ITSN1: variants seen among roughly 807,000 people sequenced by gnomAD.
ITSN1 encodes the protein intersectin 1, also known as intersectin-1.
In ITSN1, 58 loss-of-function variants were observed where a neutral mutation model predicts 239.8. That is an observed-to-expected ratio of 0.24 (90% CI 0.20 to 0.30). The LOEUF is 0.30. ITSN1 is among the 10% of genes least tolerant of loss of function. ITSN1 has a pLI of 1.00. For missense variants in ITSN1, 1,558 were observed against 2,103.3 expected (o/e 0.74, Z 5.07); for synonymous variants, 780 against 770.8 (o/e 1.01, Z -0.20).
chr21:33,671,534 G>A (rs1269210530), intron 1 of ITSN1, among the ~76,000 whole-genome samples: 1 of 152,062 alleles, frequency 6.6e-6, no homozygotes, highest in African/African-American at 2.4e-5. Context: ...TGGGATTACA[G>A]GTGTGAGCCG....
chr21:33,773,710 C>T (rs1054147519), intron 12 of ITSN1, among the ~76,000 whole-genome samples: 40 of 151,682 alleles, frequency 2.6e-4, no homozygotes, highest in African/African-American at 9.7e-4. Flanking sequence ...GACAGACTCT[C>T]GCTCTGTTGC....
chr21:33,824,380 G>C (rs1427316035), intron 25 of ITSN1, among the ~76,000 whole-genome samples: 1 of 152,024 alleles, frequency 6.6e-6, no homozygotes, highest in African/African-American at 2.4e-5. Context: ...GAGTTTCAGG[G>C]TATAAATGGA....
chr21:33,806,436 T>G (rs1372481423), intron 20 of ITSN1, among the ~76,000 whole-genome samples: 1 of 152,190 alleles, frequency 6.6e-6, no homozygotes, highest in Non-Finnish European at 1.5e-5. Flanking sequence ...TGTGACAAGG[T>G]CAGAGATTTT....
chr21:33,769,265 G>A (rs990244664), intron 11 of ITSN1, among the ~76,000 whole-genome samples: 6 of 152,140 alleles, frequency 3.9e-5, no homozygotes, highest in African/African-American at 1.4e-4. Flanking sequence ...TTTTGAACAG[G>A]AAGCAACATT....
chr21:33,871,898 C>G (rs2148519847), intron 33 of ITSN1, among the ~76,000 whole-genome samples: 1 of 152,252 alleles, frequency 6.6e-6, no homozygotes, highest in South Asian at 2.1e-4. Context: ...AGTTGGGCCT[C>G]AGTTTCTTGT....
intron 21 of ITSN1, among the ~76,000 whole-genome samples, chr21:33,813,381 C>G (rs1292576479): frequency 4.6e-5 from 7 of 151,644 alleles, no homozygotes; most frequent in African/African-American, 1.7e-4. Flanking sequence ...GAGACAGAGT[C>G]TCACTCTGTC....
chr21:33,701,059 A>G (rs1002740998), intron 1 of ITSN1, among the ~76,000 whole-genome samples: 4 of 150,924 alleles, frequency 2.7e-5, no homozygotes, highest in South Asian at 2.1e-4. Flanking sequence ...AGCTCATGCA[A>G]TGCCACCAAT....
intron 8 of ITSN1, among the ~76,000 whole-genome samples, chr21:33,758,246 C>T (rs1334948678): frequency 1.3e-5 from 2 of 152,104 alleles, no homozygotes; most frequent in African/African-American, 2.4e-5. Context: ...ACCTCAGCCC[C>T]CAAGTAGCTG....
chr21:33,831,198 C>T (rs1161522947), intron 27 of ITSN1, among the ~76,000 whole-genome samples: 1 of 152,220 alleles, frequency 6.6e-6, no homozygotes, highest in African/African-American at 2.4e-5. Context: ...CACCTGGCCA[C>T]CTGCTTCATA....
At chr21:33,717,328 C>T (rs1477840848) in intron 1 of ITSN1, among the ~76,000 whole-genome samples, 4 of 151,898 alleles carry the variant, frequency 2.6e-5, no homozygotes, top group African/African-American at 7.3e-5. Flanking sequence ...TCCTGAGTAG[C>T]TGGGACTACA....
intron 34 of ITSN1, among the ~76,000 whole-genome samples, chr21:33,877,511 T>G (rs902187271): frequency 1.3e-5 from 2 of 152,192 alleles, no homozygotes; most frequent in African/African-American, 4.8e-5. Context: ...GCACACATTC[T>G]CAGGGCACGT....
chr21:33,670,388 C>G (rs912328723), intron 1 of ITSN1, among the ~76,000 whole-genome samples: 1 of 152,076 alleles, frequency 6.6e-6, no homozygotes, highest in African/African-American at 2.4e-5. Context: ...TGAGAAATTA[C>G]TTATTCCCTA....
At chr21:33,802,226 A>G (rs1017568289) in intron 19 of ITSN1, among the ~76,000 whole-genome samples, 2 of 152,220 alleles carry the variant, frequency 1.3e-5, no homozygotes, top group African/African-American at 4.8e-5. Context: ...GGTGATCTGT[A>G]TCTTAATGAG....
chr21:33,672,467 A>G (rs1462268345), intron 1 of ITSN1, among the ~76,000 whole-genome samples: 2 of 152,150 alleles, frequency 1.3e-5, no homozygotes, highest in South Asian at 2.1e-4. Flanking sequence ...ATAAAAAAAG[A>G]CTGAAATAAT....
chr21:33,837,560 A>T, intron 29 of ITSN1: 1 of 985,884 alleles, frequency 1.0e-6, no homozygotes, highest in Non-Finnish European at 1.2e-6. Flanking sequence ...GGAGTTCAGT[A>T]TCTCTGTTTT....
chr21:33,670,699 G>A (rs2090214890), intron 1 of ITSN1, among the ~76,000 whole-genome samples: 1 of 152,180 alleles, frequency 6.6e-6, no homozygotes, highest in Non-Finnish European at 1.5e-5. Context: ...CTTAAGAAAT[G>A]TATTCATCTC....
intron 21 of ITSN1, among the ~76,000 whole-genome samples, chr21:33,812,681 T>C (rs2072995579): frequency 6.6e-6 from 1 of 152,150 alleles, no homozygotes; most frequent in Admixed American, 6.5e-5. Flanking sequence ...AAGTTTTTTG[T>C]AGAGATGAGG....
intron 32 of ITSN1, among the ~76,000 whole-genome samples, chr21:33,866,474 G>T (rs1337281301): frequency 2.0e-5 from 3 of 152,154 alleles, no homozygotes; most frequent in Non-Finnish European, 4.4e-5. Flanking sequence ...CAGAGCAGGG[G>T]CCTCATTGTC....
intron 26 of ITSN1, among the ~76,000 whole-genome samples, chr21:33,827,706 C>A (rs1030742245): frequency 1.3e-5 from 2 of 152,140 alleles, no homozygotes; most frequent in Non-Finnish European, 2.9e-5. Context: ...TCAGTAAAAT[C>A]ACATGTGCTA....
Sources: allele counts gnomAD v4.1 joint callset (sites outside exome capture counted in the v4.1 genomes callset), GRCh38; gene constraint gnomAD v4.1.1; transcripts MANE v1.5; gene names NCBI Gene and HGNC (gene_info 2026-07-23, HGNC 2026-07-21).